ERP44: variants seen among roughly 807,000 people sequenced by gnomAD.
The protein encoded by ERP44 is endoplasmic reticulum resident protein 44.
In ERP44, 25 loss-of-function variants were observed where a neutral mutation model predicts 53.4. The ratio of observed to expected loss-of-function variants is 0.47; its 90% confidence interval spans 0.34 to 0.65. The LOEUF is 0.65. ERP44 is among the 30% of genes least tolerant of loss of function. The probability of loss-of-function intolerance (pLI) is 0.01; values close to 1 mark genes in which losing one functional copy is unlikely to be tolerated. For missense variants in ERP44, 338 were observed against 493.2 expected (o/e 0.69, Z 2.98); for synonymous variants, 145 against 161.2 (o/e 0.90, Z 0.76).
At chr9:100,006,324 A>G (rs1023183728) in intron 10 of ERP44, among the ~76,000 whole-genome samples, 182 bp downstream of exon 10, 44 of 152,198 alleles carry the variant, frequency 2.9e-4, no homozygotes, top group African/African-American at 1.0e-3. Flanking sequence ...GCTATATCAT[A>G]ATGTTCATAA....
intron 4 of ERP44, among the ~76,000 whole-genome samples, chr9:100,037,294 G>A (rs1192612256): frequency 6.6e-6 from 1 of 152,100 alleles, no homozygotes; most frequent in Non-Finnish European, 1.5e-5. Flanking sequence ...ATTTAAACTA[G>A]CCCAAGCCAG....
chr9:99,982,861 A>G, intron 11 of ERP44, 148 bp from the exon 12 acceptor site: 1 of 449,138 alleles, frequency 2.2e-6, no homozygotes, highest in Admixed American at 4.1e-5. Flanking sequence ...CAAGATATTT[A>G]AATGTGAAAT....
Position 99,980,437 on chromosome 9 carries a change from T to G in ERP44, c.*2175A>C, listed in dbSNP as rs775682862. On this transcript the variant is annotated 3_prime_UTR_variant, in exon 12 of 12. Transcript: ENST00000262455. ...CATTTCAAATAATATCTAAAGACTG[T>G]CCCAGTCCCAAGTCTTCTCCAAGCA... The G allele has an allele frequency of 4.1e-5, 7 of 172,198 alleles. No homozygotes were observed. In the East Asian group the frequency reaches 1.1e-3, roughly 26 times the overall value. The allele number at this position is 172,198 out of a possible 1,614,324, so 10.7% of individuals were successfully genotyped here.
intron 4 of ERP44, among the ~76,000 whole-genome samples, chr9:100,038,678 C>G (rs1825870266): frequency 6.6e-6 from 1 of 151,992 alleles, no homozygotes; most frequent in Non-Finnish European, 1.5e-5. Flanking sequence ...ATGAACTAAA[C>G]TCTTCAATCA....
chr9:99,991,995 T>C (rs1316108097), intron 10 of ERP44, among the ~76,000 whole-genome samples: 3 of 152,024 alleles, frequency 2.0e-5, no homozygotes, highest in Non-Finnish European at 4.4e-5. Flanking sequence ...AATAGACCAA[T>C]AACAGGCTCT....
chr9:100,076,879 C>G (rs897962455), intron 1 of ERP44, among the ~76,000 whole-genome samples: 1 of 152,214 alleles, frequency 6.6e-6, no homozygotes, highest in Non-Finnish European at 1.5e-5. Flanking sequence ...GCCCAATGGG[C>G]CCCATGAACA....
At chr9:99,989,927 A>G (rs974311462) in intron 10 of ERP44, among the ~76,000 whole-genome samples, 12 of 152,198 alleles carry the variant, frequency 7.9e-5, no homozygotes, top group African/African-American at 2.9e-4. Context: ...GGTATCAGTG[A>G]TTGAAGATCA....
intron 1 of ERP44, among the ~76,000 whole-genome samples, chr9:100,092,357 C>CTA (rs1277054971): frequency 1.3e-5 from 2 of 152,170 alleles, no homozygotes; most frequent in African/African-American, 4.8e-5. Context: ...AATAATAAGT[C>CTA]TATAATCAGT....
chr9:100,061,438 C>T (rs1214031019), intron 1 of ERP44, among the ~76,000 whole-genome samples: 8 of 147,620 alleles, frequency 5.4e-5, no homozygotes, highest in East Asian at 2.0e-4. Flanking sequence ...AGCAAGACTC[C>T]GTCTCAAAAT....
At chr9:100,084,022 T>C (rs951453117) in intron 1 of ERP44, among the ~76,000 whole-genome samples, 2 of 152,096 alleles carry the variant, frequency 1.3e-5, no homozygotes, top group South Asian at 2.1e-4. Context: ...ATGGAACTAC[T>C]GGAGCATAAA....
chr9:100,004,384 G>A (rs1389876789), intron 10 of ERP44, among the ~76,000 whole-genome samples: 1 of 152,232 alleles, frequency 6.6e-6, no homozygotes, highest in East Asian at 1.9e-4. Flanking sequence ...CCTGGTGCTG[G>A]AATAGGTCCA....
chr9:100,083,708 C>G (rs528894324), intron 1 of ERP44, among the ~76,000 whole-genome samples: 2 of 152,242 alleles, frequency 1.3e-5, no homozygotes, highest in African/African-American at 4.8e-5. Flanking sequence ...CTTTTACACC[C>G]AGGACTAATG....
intron 1 of ERP44, among the ~76,000 whole-genome samples, chr9:100,065,361 A>G (rs1343852821): frequency 1.3e-5 from 2 of 152,168 alleles, no homozygotes; most frequent in Non-Finnish European, 2.9e-5. Context: ...AGTATATTCT[A>G]TGACGTTTGC....
At chr9:100,023,706 C>G (rs1220359309) in intron 4 of ERP44, among the ~76,000 whole-genome samples, 1 of 151,960 alleles carries the variant, frequency 6.6e-6, no homozygotes, top group African/African-American at 2.4e-5. Flanking sequence ...CTCAGCCTCC[C>G]AAAGCTGGGA....
intron 10 of ERP44, among the ~76,000 whole-genome samples, chr9:100,003,162 C>G (rs1830395350): frequency 6.6e-6 from 1 of 152,210 alleles, no homozygotes; most frequent in South Asian, 2.1e-4. Flanking sequence ...TTCAATCTCT[C>G]TGGTAAACTT....
intron 4 of ERP44, among the ~76,000 whole-genome samples, chr9:100,038,630 C>T (rs559671429): frequency 1.3e-5 from 2 of 151,986 alleles, no homozygotes; most frequent in South Asian, 2.1e-4. Context: ...AAATGGAAGG[C>T]GTATGCCTTT....
intron 4 of ERP44, among the ~76,000 whole-genome samples, chr9:100,028,797 C>T (rs1368409559): frequency 6.6e-6 from 1 of 151,940 alleles, no homozygotes; most frequent in African/African-American, 2.4e-5. Flanking sequence ...GGCATGGAGG[C>T]CAATACTGTG....
intron 10 of ERP44, among the ~76,000 whole-genome samples, chr9:99,986,694 G>A (rs1227595167): frequency 6.6e-6 from 1 of 151,906 alleles, no homozygotes; most frequent in Non-Finnish European, 1.5e-5. Context: ...ACCCATTTTG[G>A]CTCCCCACTA....
At chr9:100,014,325 G>A (rs183172447) in intron 8 of ERP44, among the ~76,000 whole-genome samples, 6 of 152,122 alleles carry the variant, frequency 3.9e-5, no homozygotes, top group East Asian at 1.9e-4. Context: ...TCACTCTGTC[G>A]CCCAGGCTGG....
Sources: allele counts gnomAD v4.1 joint callset (sites outside exome capture counted in the v4.1 genomes callset), GRCh38; gene constraint gnomAD v4.1.1; transcripts MANE v1.5; gene names NCBI Gene and HGNC (gene_info 2026-07-23, HGNC 2026-07-21).